Variants in GET4 observed in about 807,000 individuals in gnomAD.
GET4 encodes the protein guided entry of tail-anchored proteins factor 4.
A neutral mutation model predicts 40.0 loss-of-function variants in GET4; 20 were observed. The observed-to-expected ratio is 0.50, with a 90% CI of 0.35 to 0.73. The LOEUF (loss-of-function observed/expected upper bound fraction) is 0.73. Among genes scored for constraint, GET4 ranks in the 30% least tolerant of loss-of-function variants. GET4 has a pLI of 0.01. For synonymous variants in GET4, 280 were observed against 194.6 expected, an observed-to-expected ratio of 1.44 and a Z score of -3.65; for missense variants, 557 against 454.0, an observed-to-expected ratio of 1.23 and a Z score of -2.06.
chr7:878,455 T>G, intron 1 of GET4: 1 of 451,056 alleles, frequency 2.2e-6, no homozygotes, highest in Non-Finnish European at 4.6e-6. Flanking sequence ...GTATTTTCCA[T>G]GGGGTACCTT....
At position 886,626 on chromosome 7, in the gene GET4, G is replaced by C. The variant is rs376282333; in HGVS notation, c.292G>C (p.Val98Leu). ...CCTGGAGTCCCTGGAGAAGGCGGAA[G>C]TGGAGGTGGCTGACGAGCTGCTGGG... ...LVLESLEKAE[V>L]EVADELLENL... is the part of the protein sequence containing the mutation. Residue 98 changes from valine (V) to leucine (L), a missense_variant, in exon 3 of 9, where the codon GTG (valine) becomes CTG (leucine). Coordinates refer to ENST00000265857, the MANE Select transcript of GET4 (RefSeq NM_015949.3). 1 of 1,612,602 alleles carries C rather than the reference G, an allele frequency of 6.2e-7. No homozygotes were observed. Among genetic ancestry groups the C allele is most frequent in the Admixed American group, 1.7e-5 (1 of 60,006 alleles).
intron 6 of GET4, 185 bp downstream of exon 6, chr7:892,603 G>GT (rs1256405431): frequency 1.8e-6 from 1 of 564,204 alleles, no homozygotes; most frequent in Admixed American, 3.0e-5. Flanking sequence ...GGTCTGTTGG[G>GT]TGTAGACATG....
chr7:891,581 G>A (rs1342069946), intron 5 of GET4, among the ~76,000 whole-genome samples: 1 of 152,142 alleles, frequency 6.6e-6, no homozygotes, highest in Non-Finnish European at 1.5e-5. Context: ...TCCGGGCGCT[G>A]CCTGCTCCAG....
intron 5 of GET4, among the ~76,000 whole-genome samples, chr7:891,671 A>G (rs1280531048): frequency 6.6e-6 from 1 of 152,238 alleles, no homozygotes. Context: ...TATGGATTTC[A>G]AGGCGGGCGT....
At chr7:888,506 G>T (rs1334456375) in intron 4 of GET4, among the ~76,000 whole-genome samples, 1 of 152,248 alleles carries the variant, frequency 6.6e-6, no homozygotes, top group African/African-American at 2.4e-5. Context: ...AATGGGAAGT[G>T]AGCAAATCCA....
intron 1 of GET4, among the ~76,000 whole-genome samples, chr7:877,546 C>T (rs1288213873): frequency 3.4e-5 from 4 of 118,510 alleles, no homozygotes; most frequent in African/African-American, 1.0e-4. Flanking sequence ...GGCTCTCTCC[C>T]CAGCCTACCA....
intron 2 of GET4, 73 bp from the exon 3 acceptor site, chr7:886,496 C>A: frequency 8.7e-7 from 1 of 1,145,402 alleles, no homozygotes. Flanking sequence ...TGCTGGAAAC[C>A]CAGCCTTGTC....
chr7:877,161 C>T (rs1024908042), intron 1 of GET4, among the ~76,000 whole-genome samples: 1 of 151,646 alleles, frequency 6.6e-6, no homozygotes, highest in South Asian at 2.1e-4. Context: ...CCTTCGGTCT[C>T]TGTCTCTCTC....
At chr7:876,942 C>A (rs539912677) in intron 1 of GET4, 142 bp downstream of exon 1, 1 of 272,098 alleles carries the variant, frequency 3.7e-6, no homozygotes, top group Non-Finnish European at 5.7e-6. Flanking sequence ...GCGGGTCGCC[C>A]GGCGGAGGGT....
intron 8 of GET4, among the ~76,000 whole-genome samples, chr7:894,447 T>C (rs1583103124): frequency 6.6e-6 from 1 of 152,186 alleles, no homozygotes; most frequent in Non-Finnish European, 1.5e-5. Flanking sequence ...CAGCGTCACC[T>C]GTCTGGGTTT....
Position 876,707 on chromosome 7 carries a change from G to A in GET4, c.62G>A (p.Gly21Asp). Residue 21 changes from glycine (G) to aspartate (D), a missense_variant, in exon 1 of 9, where the codon GGC (glycine) becomes GAC (aspartate). Gly to Asp is a moderately conservative substitution (Grantham distance 94). Coordinates refer to ENST00000265857, the MANE Select transcript of GET4 (RefSeq NM_015949.3). ...ESARNGGRNR[G>D]GVQRVEGKLR... is the part of the protein sequence containing the mutation. Reference sequence around the variant, plus strand: ...GCCCGGAACGGCGGCCGCAACCGCGGCGGCGTCCAGCGTGTGGAGGGCAAG... The same window carrying A: ...GCCCGGAACGGCGGCCGCAACCGCGACGGCGTCCAGCGTGTGGAGGGCAAG... The A allele has an allele frequency of 1.5e-6, 2 of 1,362,920 alleles. No individual in the cohort carries two copies. The highest frequency in any genetic ancestry group is 1.9e-6 in the Non-Finnish European group (2 of 1,043,240). The allele number at this position is 1,362,920 out of a possible 1,614,324, so 84.4% of individuals were successfully genotyped here. A position where few individuals can be genotyped will look rare whatever the true frequency, so the allele number is the denominator to read the frequency against.
intron 6 of GET4, among the ~76,000 whole-genome samples, chr7:893,161 C>T (rs1383127649): frequency 4.0e-5 from 4 of 100,022 alleles, no homozygotes; most frequent in East Asian, 3.3e-4. Flanking sequence ...TGGGTGTAGG[C>T]GTGGTGGTGT....
chr7:892,633 GGGTGTATGT>G (rs1844353857), intron 6 of GET4, among the ~76,000 whole-genome samples: 14 of 51,576 alleles, frequency 2.7e-4, no homozygotes, highest in South Asian at 6.8e-4. Flanking sequence ...GTAGCTGTGT[GGGTGTATGT>G]GCAAGTGTAG....
Position 876,747 on chromosome 7 carries a change from C to A in GET4, c.102C>A (p.Val34=). The change falls in exon 1 of 9, where the codon GTC becomes GTA. Residue 34 remains valine, a synonymous_variant. Transcript: ENST00000265857. ...QRVEGKLRAS[V]EKGDYYEAHQ... ...TGGAGGGCAAGCTGCGCGCCAGCGT[C>A]GAGAAGGGCGACTACTACGAGGCGC... is the stretch of plus-strand genomic sequence containing the variant. The A allele has an allele frequency of 7.3e-7, 1 of 1,372,050 alleles. No homozygotes were observed. 85.0% of individuals were successfully genotyped at this position (1,372,050 alleles called of 1,614,324 possible).
In GET4 at chr7:890,780, C is replaced by G. The variant is rs1844302511; in HGVS notation, c.467-148C>G. Reference sequence around the variant, plus strand: ...TGAGGCCTGGGCTGGCTCTGAGTCCCTATCAGGACCTCTGCCTGTGGGCTC... The same window carrying G: ...TGAGGCCTGGGCTGGCTCTGAGTCCGTATCAGGACCTCTGCCTGTGGGCTC... On this transcript the variant is annotated intron_variant, in intron 4 of 8. Coordinates refer to ENST00000265857, the MANE Select transcript of GET4 (RefSeq NM_015949.3). 6.2e-6 allele frequency: 4 copies of G among 643,890 alleles called. No individual in the cohort carries two copies. The Admixed American group carries it at 7.9e-5, about 13-fold the overall frequency. The allele number at this position is 643,890 out of a possible 1,614,324, so 39.9% of individuals were successfully genotyped here. A position where few individuals can be genotyped will look rare whatever the true frequency, so the allele number is the denominator to read the frequency against.
At chr7:877,904 C>G (rs1843998964) in intron 1 of GET4, 1 of 130,338 alleles carries the variant, frequency 7.7e-6, no homozygotes, top group African/African-American at 3.3e-5. Flanking sequence ...CGGGCCTGCC[C>G]CTTGCCTCCC....
chr7:876,654 G>T lies in GET4; in HGVS notation c.9G>T (p.Ala3=). MA[A]AAAMAEQESA... is the part of the protein sequence containing the mutation. ...CGCGGAGCGCCGGCCCGATGGCGGC[G>T]GCGGCGGCGATGGCCGAGCAGGAGA... is the stretch of plus-strand genomic sequence containing the variant. Residue 3 remains alanine (A), a synonymous_variant, in exon 1 of 9, where the codon GCG becomes GCT. Coordinates refer to ENST00000265857, the MANE Select transcript of GET4 (RefSeq NM_015949.3). 7.8e-7 allele frequency: 1 copy of T among 1,278,980 alleles called. No individual in the cohort carries two copies. The highest frequency in any genetic ancestry group is 9.9e-7 in the Non-Finnish European group (1 of 1,005,956). The allele number at this position is 1,278,980 out of a possible 1,614,324, so 79.2% of individuals were successfully genotyped here.
In GET4 at chr7:892,219, T is replaced by C. The variant is rs911973367; in HGVS notation, c.606-59T>C. ...GAAGGACATGTCGGAGGCCGGCGCCTGTGCGGGCAGAAGCTGTGTCCTCCA... is the reference window on the plus strand; with the variant it reads ...GAAGGACATGTCGGAGGCCGGCGCCCGTGCGGGCAGAAGCTGTGTCCTCCA... On this transcript the variant is annotated intron_variant, in intron 5 of 8. Coordinates refer to ENST00000265857, the MANE Select transcript of GET4 (RefSeq NM_015949.3). 4.5e-6 allele frequency: 7 copies of C among 1,559,432 alleles called. No individual in the cohort carries two copies. The African/African-American group carries it at 9.5e-5, about 21-fold the overall frequency.
intron 6 of GET4, 178 bp downstream of exon 6, chr7:892,596 C>A: frequency 1.7e-6 from 1 of 577,962 alleles, no homozygotes; most frequent in Non-Finnish European, 3.0e-6. Context: ...GTGTGCAGGT[C>A]TGTTGGGTGT....
Sources: gnomAD v4.1 joint callset for allele counts (sites outside exome capture counted in the v4.1 genomes callset) on GRCh38, gnomAD v4.1.1 for gene constraint, MANE v1.5 for transcripts, NCBI Gene and HGNC (gene_info 2026-07-23, HGNC 2026-07-21) for gene names.